Variants in SYT9 observed in about 807,000 individuals in gnomAD.
SYT9 encodes the protein synaptotagmin-9.
In SYT9, 22 loss-of-function variants were observed where a neutral mutation model predicts 48.4. The observed-to-expected ratio is 0.45, with a 90% CI of 0.32 to 0.65. The LOEUF (loss-of-function observed/expected upper bound fraction) is 0.65, where lower values mean the gene tolerates loss of function less well. SYT9 is among the 30% of genes least tolerant of loss of function. SYT9 has a pLI of 0.03. For synonymous variants in SYT9, 265 were observed against 245.0 expected (o/e 1.08, Z -0.76); for missense variants, 577 against 622.0 (o/e 0.93, Z 0.77).
intron 6 of SYT9, among the ~76,000 whole-genome samples, chr11:7,430,711 T>A (rs927313551): frequency 6.6e-6 from 1 of 152,158 alleles, no homozygotes; most frequent in Admixed American, 6.6e-5. Context: ...GATCTGGTCA[T>A]TTAAAAGTGT....
chr11:7,366,494 T>G (rs1472806476), intron 3 of SYT9, among the ~76,000 whole-genome samples: 1 of 152,234 alleles, frequency 6.6e-6, no homozygotes, highest in Non-Finnish European at 1.5e-5. Flanking sequence ...CACTAATTAA[T>G]GGACATCCAC....
At position 7,266,143 on chromosome 11, in the gene SYT9, C is replaced by T. The variant is rs551218686; in HGVS notation, c.145+13812C>T. 3.3e-5 allele frequency among the ~76,000 whole-genome samples: 5 copies of T among 152,180 alleles called. 1 individual carries two copies. The South Asian group carries it at 6.2e-4, about 19-fold the overall frequency. ...TCAATTGTTGGCATAGCTGAGCTAG[C>T]TCTGAAGGCTTCCCAAATTATTTCA... On this transcript the variant is annotated intron_variant, in intron 1 of 6. Transcript: ENST00000318881.
chr11:7,260,662 A>C (rs879552284), intron 1 of SYT9, among the ~76,000 whole-genome samples: 1 of 152,206 alleles, frequency 6.6e-6, no homozygotes, highest in Non-Finnish European at 1.5e-5. Context: ...TTCCTTATGG[A>C]AAATATACTC....
At chr11:7,298,118 T>A (rs1481525944) in intron 1 of SYT9, among the ~76,000 whole-genome samples, 1 of 152,156 alleles carries the variant, frequency 6.6e-6, no homozygotes, top group East Asian at 1.9e-4. Flanking sequence ...CTCTCTGTCC[T>A]CACTTCTGGA....
intron 6 of SYT9, among the ~76,000 whole-genome samples, chr11:7,425,052 A>C (rs181326017): frequency 6.6e-6 from 1 of 152,374 alleles, no homozygotes; most frequent in Admixed American, 6.5e-5. Flanking sequence ...TTACACAAGC[A>C]GCCCGTGTAA....
chr11:7,334,941 T>C (rs1461964549), intron 3 of SYT9, among the ~76,000 whole-genome samples: 1 of 152,234 alleles, frequency 6.6e-6, no homozygotes, highest in Non-Finnish European at 1.5e-5. Context: ...GCCATGAACA[T>C]TCATGTGCTT....
Position 7,305,964 on chromosome 11 carries a change from T to TAAAG in SYT9, c.497+2576_497+2579dup, listed in dbSNP as rs150598063. ...GACACAGTGCCTTTTTGAAATGTCC[T>TAAAG]AAAGATGGGCTTTGTTTTATCTTCT... On this transcript the variant is annotated intron_variant, in intron 2 of 6. Transcript: ENST00000318881. Among the ~76,000 whole-genome samples, 1,087 of 152,270 alleles carry TAAAG rather than the reference T, an allele frequency of 7.1e-3. 14 individuals are homozygous for TAAAG. Among genetic ancestry groups the TAAAG allele is most frequent in the African/African-American group, 0.025 (1,039 of 41,556 alleles).
At chr11:7,465,229 ATG>A (rs1286507645) in intron 6 of SYT9, among the ~76,000 whole-genome samples, 3 of 152,102 alleles carry the variant, frequency 2.0e-5, no homozygotes, top group Non-Finnish European at 4.4e-5. Context: ...TTTCCCAGAG[ATG>A]TGTGTGTGTG....
intron 3 of SYT9, among the ~76,000 whole-genome samples, chr11:7,387,407 T>C (rs1486996040): frequency 6.6e-6 from 1 of 152,194 alleles, no homozygotes; most frequent in Non-Finnish European, 1.5e-5. Flanking sequence ...TTTTGTTTCC[T>C]GAGCTTGTAT....
At chr11:7,334,794 ATGT>A (rs766119807) in intron 3 of SYT9, among the ~76,000 whole-genome samples, 4 of 152,186 alleles carry the variant, frequency 2.6e-5, no homozygotes, top group Non-Finnish European at 5.9e-5. Flanking sequence ...AGATTAATTC[ATGT>A]TGTATGTATT....
intron 3 of SYT9, among the ~76,000 whole-genome samples, chr11:7,411,089 A>C (rs957102450): frequency 3.3e-5 from 5 of 152,198 alleles, no homozygotes; most frequent in African/African-American, 4.8e-5. Context: ...TCCTGACCTC[A>C]GGTGATTCAC....
At chr11:7,423,018 A>C (rs1273268211) in intron 6 of SYT9, among the ~76,000 whole-genome samples, 2 of 152,252 alleles carry the variant, frequency 1.3e-5, no homozygotes, top group Non-Finnish European at 2.9e-5. Flanking sequence ...CTTAGAAGTC[A>C]TTTGTTACAG....
chr11:7,441,409 T>TA (rs543781037), intron 6 of SYT9: 47 of 152,360 alleles, frequency 3.1e-4, no homozygotes, highest in Admixed American at 2.7e-3. Flanking sequence ...GTTGCTTTGC[T>TA]ACAAGTATTA....
rs140679366 is a variant in SYT9, at chr11:7,370,589, A to G, written c.1045-45453A>G. ...CTAAAATAGGTAGATTTTATGGGATATAAATTATGTCTCAACAAACCAATG... is the reference window on the plus strand; with the variant it reads ...CTAAAATAGGTAGATTTTATGGGATGTAAATTATGTCTCAACAAACCAATG... On this transcript the variant is annotated intron_variant, in intron 3 of 6. Coordinates refer to ENST00000318881, the MANE Select transcript of SYT9 (RefSeq NM_175733.4). Among the ~76,000 whole-genome samples the G allele has an allele frequency of 3.0e-3, 462 of 152,310 alleles. 2 individuals carry two copies. Among genetic ancestry groups the G allele is most frequent in the Non-Finnish European group, 4.3e-3 (295 of 68,014 alleles).
intron 3 of SYT9, among the ~76,000 whole-genome samples, chr11:7,405,026 C>T (rs1003558009): frequency 1.3e-5 from 2 of 151,248 alleles, no homozygotes; most frequent in South Asian, 2.1e-4. Flanking sequence ...TGTTTTTCTT[C>T]CCCTTGTGCT....
Position 7,429,406 on chromosome 11 carries a change from A to G in SYT9, c.1467+8771A>G, listed in dbSNP as rs77801446. The stretch of plus-strand genomic sequence containing the variant: ...CTGTGGCTTCTTTGGATCTCTATAG[A>G]AGATCCAGGTTTAGGGAGAAACCAA... On this transcript the variant is annotated intron_variant, in intron 6 of 6. Coordinates refer to ENST00000318881, the MANE Select transcript of SYT9 (RefSeq NM_175733.4). Among the ~76,000 whole-genome samples, 996 of 152,300 alleles carry G rather than the reference A, an allele frequency of 6.5e-3. 12 individuals carry two copies. Among genetic ancestry groups the G allele is most frequent in the African/African-American group, 0.023 (944 of 41,570 alleles).
rs548405556 is a variant in SYT9 at position 7,307,528 on chromosome 11, T to C, written c.497+4138T>C. ...TTTCTATATTTACTCTAGACACAGATATCAAGCATTTGCTATGGCAAAATT... is the reference window on the plus strand; with the variant it reads ...TTTCTATATTTACTCTAGACACAGACATCAAGCATTTGCTATGGCAAAATT... On this transcript the variant is annotated intron_variant, in intron 2 of 6. Transcript: ENST00000318881. Among the ~76,000 whole-genome samples the C allele has an allele frequency of 6.6e-5, 10 of 152,332 alleles. No individual in the cohort carries two copies. The South Asian group carries it at 2.1e-3, about 32-fold the overall frequency.
At chr11:7,437,463 A>C (rs747732050) in intron 6 of SYT9, among the ~76,000 whole-genome samples, 1 of 152,226 alleles carries the variant, frequency 6.6e-6, no homozygotes, top group Non-Finnish European at 1.5e-5. Context: ...TCATTAAATT[A>C]ATTTCACAAA....
chr11:7,450,665 T>G (rs1233232063), intron 6 of SYT9, among the ~76,000 whole-genome samples: 1 of 152,238 alleles, frequency 6.6e-6, no homozygotes, highest in African/African-American at 2.4e-5. Flanking sequence ...AATGCGGACT[T>G]ACTTCTCTCC....
Sources: allele counts gnomAD v4.1 joint callset (sites outside exome capture counted in the v4.1 genomes callset), GRCh38; gene constraint gnomAD v4.1.1; transcripts MANE v1.5; gene names NCBI Gene and HGNC (gene_info 2026-07-23, HGNC 2026-07-21).